The following MAGI2 variants were observed in gnomAD, a reference collection of about 807,000 sequenced individuals.
The protein encoded by MAGI2 is membrane associated guanylate kinase, WW and PDZ domain containing 2.
Under a neutral mutation model 133.3 loss-of-function variants are expected in MAGI2, and 35 were observed. The observed-to-expected ratio is 0.26, with a 90% CI of 0.20 to 0.35. MAGI2 has a LOEUF of 0.35. Among genes scored for constraint, MAGI2 ranks in the 10% least tolerant of loss-of-function variants. The probability of loss-of-function intolerance (pLI) is 1.00; values close to 1 mark genes in which losing one functional copy is unlikely to be tolerated. For synonymous variants in MAGI2, 729 were observed against 710.6 expected (o/e 1.03, Z -0.41); for missense variants, 1,636 against 1,863.4 (o/e 0.88, Z 2.25).
intron 2 of MAGI2, among the ~76,000 whole-genome samples, chr7:79,005,068 G>A (rs1807302268): frequency 2.8e-5 from 4 of 145,158 alleles, no homozygotes; most frequent in Admixed American, 2.1e-4. Context: ...GGTAACAAGA[G>A]CAAAACTCCA....
At chr7:78,916,945 C>A (rs1798847408) in intron 2 of MAGI2, among the ~76,000 whole-genome samples, 1 of 152,030 alleles carries the variant, frequency 6.6e-6, no homozygotes, top group Non-Finnish European at 1.5e-5. Context: ...GATATTGGAT[C>A]AAGAGACTTT....
chr7:78,586,711 G>A (rs1446349137), intron 3 of MAGI2, among the ~76,000 whole-genome samples: 2 of 152,004 alleles, frequency 1.3e-5, no homozygotes, highest in Non-Finnish European at 2.9e-5. Flanking sequence ...CAAACTATAC[G>A]AATCAAACCA....
intron 2 of MAGI2, among the ~76,000 whole-genome samples, chr7:78,673,858 T>A (rs979505160): frequency 6.6e-6 from 1 of 152,180 alleles, no homozygotes; most frequent in Non-Finnish European, 1.5e-5. Flanking sequence ...TTAACCATTA[T>A]AGTCATTTTT....
At chr7:78,171,561 C>T (rs897141376) in intron 14 of MAGI2, among the ~76,000 whole-genome samples, 14 of 152,216 alleles carry the variant, frequency 9.2e-5, no homozygotes, top group African/African-American at 3.4e-4. Context: ...CCAATAGCCA[C>T]AGGATCTGTG....
chr7:79,094,947 A>C (rs1175085212), intron 1 of MAGI2, among the ~76,000 whole-genome samples: 1 of 152,182 alleles, frequency 6.6e-6, no homozygotes. Flanking sequence ...GCAGATGAGC[A>C]CTAGCTTCAA....
At chr7:78,556,732 C>T (rs999950404) in intron 3 of MAGI2, among the ~76,000 whole-genome samples, 2 of 152,144 alleles carry the variant, frequency 1.3e-5, no homozygotes, top group Non-Finnish European at 2.9e-5. Context: ...TACAGAAACA[C>T]ACTCCCTTCT....
chr7:78,478,985 T>G (rs1364649364), intron 6 of MAGI2, among the ~76,000 whole-genome samples: 1 of 151,858 alleles, frequency 6.6e-6, no homozygotes, highest in African/African-American at 2.4e-5. Flanking sequence ...TCCTTTAACC[T>G]ATAAGTGGTG....
intron 20 of MAGI2, among the ~76,000 whole-genome samples, chr7:78,098,856 G>A (rs1817949805): frequency 1.3e-5 from 2 of 152,058 alleles, no homozygotes; most frequent in African/African-American, 4.8e-5. Flanking sequence ...TACGGAGTAT[G>A]TTTTCAGATA....
chr7:79,155,772 G>A (rs947433379), intron 1 of MAGI2, among the ~76,000 whole-genome samples: 3 of 152,128 alleles, frequency 2.0e-5, no homozygotes, highest in African/African-American at 7.2e-5. Flanking sequence ...AGATGATGGT[G>A]TGAGATCATC....
chr7:78,337,980 G>A (rs74302395), intron 9 of MAGI2, among the ~76,000 whole-genome samples: 8,305 of 152,184 alleles, frequency 0.055, 267 homozygotes, highest in South Asian at 0.13. Flanking sequence ...TGTGCCAGGA[G>A]CATGTAAGTA....
intron 3 of MAGI2, among the ~76,000 whole-genome samples, chr7:78,556,658 T>G (rs940056409): frequency 6.6e-6 from 1 of 152,164 alleles, no homozygotes; most frequent in African/African-American, 2.4e-5. Flanking sequence ...GCAACCGTTT[T>G]GCTCACTATT....
chr7:79,023,027 C>A (rs1187824648), intron 1 of MAGI2, among the ~76,000 whole-genome samples: 18 of 151,988 alleles, frequency 1.2e-4, no homozygotes, highest in African/African-American at 4.1e-4. Context: ...AGCAGAGACA[C>A]AACAAAAAAA....
chr7:79,148,559 T>G (rs1822870652), intron 1 of MAGI2, among the ~76,000 whole-genome samples: 1 of 152,144 alleles, frequency 6.6e-6, no homozygotes, highest in Non-Finnish European at 1.5e-5. Flanking sequence ...TTTGCTAGAC[T>G]TGGAAGTTTC....
At chr7:78,878,288 T>C (rs543725527) in intron 2 of MAGI2, among the ~76,000 whole-genome samples, 1 of 152,370 alleles carries the variant, frequency 6.6e-6, no homozygotes, top group Non-Finnish European at 1.5e-5. Flanking sequence ...TCTATTGCTC[T>C]ACTGAATTTC....
chr7:78,506,571 A>G (rs2150542882), intron 4 of MAGI2, among the ~76,000 whole-genome samples: 1 of 152,308 alleles, frequency 6.6e-6, no homozygotes, highest in South Asian at 2.1e-4. Context: ...GCAGCCATGG[A>G]AGCAATGAGA....
rs139505530 is a variant in MAGI2, at chr7:78,180,316, C to T, written c.2312-2214G>A. On this transcript the variant is annotated intron_variant, in intron 13 of 21. Coordinates refer to ENST00000354212, the MANE Select transcript of MAGI2 (RefSeq NM_012301.4). The stretch of plus-strand genomic sequence containing the variant: ...CATCCATATTGCACAAGGAGCTTTA[C>T]AAGACCTTTATTGTGTGATCCATCT... 1.9e-3 allele frequency among the ~76,000 whole-genome samples: 292 copies of T among 152,272 alleles called. 1 individual carries two copies. The highest frequency in any genetic ancestry group is 6.8e-3 in the African/African-American group (282 of 41,568).
In MAGI2 at chr7:78,652,989, C is replaced by A. The variant is rs185237438; in HGVS notation, c.419-25750G>T. ...AGTGGGCAAAGGATATGAACAGACA[C>A]TTCTCAGAGGAAGACATTTATGCGG... On this transcript the variant is annotated intron_variant, in intron 2 of 21. Coordinates refer to ENST00000354212, the MANE Select transcript of MAGI2 (RefSeq NM_012301.4). 1.5e-3 allele frequency among the ~76,000 whole-genome samples: 235 copies of A among 151,666 alleles called. 1 individual carries two copies. The highest frequency in any genetic ancestry group is 3.4e-3 in the Middle Eastern group (1 of 292).
intron 1 of MAGI2, among the ~76,000 whole-genome samples, chr7:79,015,943 A>G (rs1240492634): frequency 1.4e-5 from 2 of 140,552 alleles, no homozygotes; most frequent in African/African-American, 5.2e-5. Context: ...AGGGGCAGGA[A>G]GCAGGGAACC....
At chr7:79,202,886 T>A (rs544122900) in intron 1 of MAGI2, among the ~76,000 whole-genome samples, 1 of 152,026 alleles carries the variant, frequency 6.6e-6, no homozygotes, top group African/African-American at 2.4e-5. Flanking sequence ...CTCTGAGTGC[T>A]CCCCTGAGTT....
Sources: allele counts gnomAD v4.1 joint callset (sites outside exome capture counted in the v4.1 genomes callset), GRCh38; gene constraint gnomAD v4.1.1; transcripts MANE v1.5; gene names NCBI Gene and HGNC (gene_info 2026-07-23, HGNC 2026-07-21).